Variants in TMEFF2 observed in about 807,000 individuals in gnomAD.
The protein encoded by TMEFF2 is tomoregulin-2.
Under a neutral mutation model 53.8 loss-of-function variants are expected in TMEFF2, and 28 were observed. The ratio of observed to expected loss-of-function variants is 0.52; its 90% CI spans 0.39 to 0.71. The LOEUF (loss-of-function observed/expected upper bound fraction) is 0.71. TMEFF2 is among the 30% of genes least tolerant of loss of function. The pLI is 0.00. For missense variants in TMEFF2, 353 were observed against 455.2 expected (o/e 0.78, Z 2.04); for synonymous variants, 162 against 166.3 (o/e 0.97, Z 0.20).
intron 4 of TMEFF2, among the ~76,000 whole-genome samples, chr2:192,137,420 A>G (rs1350921087): frequency 6.6e-6 from 1 of 152,210 alleles, no homozygotes. Context: ...CATGAAATGA[A>G]AGTGCGGAGA....
intron 5 of TMEFF2, among the ~76,000 whole-genome samples, chr2:192,048,256 T>C (rs1416859590): frequency 6.6e-6 from 1 of 151,852 alleles, no homozygotes. Context: ...CTTAAATTGG[T>C]TTGGCATTCC....
At chr2:192,108,380 C>CT (rs35836364) in intron 4 of TMEFF2, among the ~76,000 whole-genome samples, 1 of 151,788 alleles carries the variant, frequency 6.6e-6, no homozygotes, top group Admixed American at 6.6e-5. Context: ...TAAATGTAAT[C>CT]TTTTTTTAAA....
At chr2:192,119,452 TTGAGTA>T (rs1418424918) in intron 4 of TMEFF2, among the ~76,000 whole-genome samples, 3 of 152,194 alleles carry the variant, frequency 2.0e-5, no homozygotes, top group Non-Finnish European at 4.4e-5. Context: ...ATGATTTTAG[TTGAGTA>T]TATTTGTCAC....
chr2:191,953,769 C>T lies in TMEFF2; in HGVS notation c.938G>A (p.Gly313Asp). ...TAAGACATACTGAAATCGTACAGGA[C>T]CGGGAACAACGTATAGAACACTGTA... ...KDYSVLYVVP[G>D]PVRFQYVLIA... Residue 313 changes from glycine (G) to aspartate (D), a missense_variant, in exon 9 of 10, where the codon GGT becomes GAT. Physicochemically the swap from Gly to Asp is moderately conservative, Grantham distance 94. Transcript: ENST00000272771. 6.2e-7 allele frequency: 1 copy of T among 1,614,000 alleles called. No homozygotes were observed. Among genetic ancestry groups the T allele is most frequent in the Non-Finnish European group, 8.5e-7 (1 of 1,179,968 alleles).
chr2:192,125,177 C>T (rs1689647887), intron 4 of TMEFF2, among the ~76,000 whole-genome samples: 1 of 152,102 alleles, frequency 6.6e-6, no homozygotes. Context: ...ATTTGGAATC[C>T]AGTGTGTCCC....
Position 192,112,151 on chromosome 2 carries a change from C to A in TMEFF2, c.440-54376G>T, listed in dbSNP as rs1291954058. Among the ~76,000 whole-genome samples, 4 of 152,184 alleles carry A rather than the reference C, an allele frequency of 2.6e-5. No homozygotes were observed. In the East Asian group the frequency reaches 7.7e-4, roughly 29 times the overall value. On this transcript the variant is annotated intron_variant, in intron 4 of 9. Coordinates refer to ENST00000272771, the MANE Select transcript of TMEFF2 (RefSeq NM_016192.4). ...GCTGAGAGAAGAAGACCATCATCCT[C>A]CAGACCCCAGAATGGTAGATCCACT... is the stretch of plus-strand genomic sequence containing the variant.
chr2:192,145,752 C>A (rs77974423), intron 4 of TMEFF2, among the ~76,000 whole-genome samples: 12,985 of 151,968 alleles, frequency 0.085, 1,257 homozygotes, highest in East Asian at 0.52. Flanking sequence ...TATTTAACTT[C>A]TCTGTGCCTC....
chr2:192,054,308 T>A (rs1011753056), intron 5 of TMEFF2, among the ~76,000 whole-genome samples: 1 of 152,098 alleles, frequency 6.6e-6, no homozygotes, highest in African/African-American at 2.4e-5. Flanking sequence ...AGGCTTGGCT[T>A]TGTATACCAG....
Position 191,950,117 on chromosome 2 carries a change from C to A in TMEFF2, c.*194G>T. The A allele has an allele frequency of 7.5e-7, 1 of 1,328,086 alleles. No homozygotes were observed. Among genetic ancestry groups the A allele is most frequent in the Non-Finnish European group, 9.6e-7 (1 of 1,038,584 alleles). The allele number at this position is 1,328,086 out of a possible 1,614,324, so 82.3% of individuals were successfully genotyped here. Reference sequence around the variant, plus strand: ...TAGTTTATTTACATTACAGAAAAAACATCAAGACAATGTATACTATTTCAA... The same window carrying A: ...TAGTTTATTTACATTACAGAAAAAAAATCAAGACAATGTATACTATTTCAA... On this transcript the variant is annotated 3_prime_UTR_variant, in exon 10 of 10. Transcript: ENST00000272771.
intron 7 of TMEFF2, among the ~76,000 whole-genome samples, chr2:191,979,753 T>TAA (rs145774456): frequency 6.9e-6 from 1 of 144,760 alleles, no homozygotes; most frequent in African/African-American, 2.5e-5. Flanking sequence ...CCAGTAGAGA[T>TAA]AAAAAAAAAA....
chr2:191,997,391 A>G (rs528639669), intron 7 of TMEFF2, among the ~76,000 whole-genome samples: 2 of 151,938 alleles, frequency 1.3e-5, no homozygotes, highest in Admixed American at 1.3e-4. Context: ...GTTAAAGAAA[A>G]TGAAATTTCA....
chr2:191,972,148 GTTTT>G (rs68101125), intron 7 of TMEFF2, among the ~76,000 whole-genome samples: 2 of 136,510 alleles, frequency 1.5e-5, no homozygotes, highest in African/African-American at 2.7e-5. Flanking sequence ...GTGTTTTTTT[GTTTT>G]TTTTTTTTTT....
chr2:192,115,652 AC>A (rs1295578393), intron 4 of TMEFF2, among the ~76,000 whole-genome samples: 1 of 151,594 alleles, frequency 6.6e-6, no homozygotes, highest in Non-Finnish European at 1.5e-5. Flanking sequence ...TCAAAAACAA[AC>A]CCCCCAAAAA....
At chr2:191,968,232 A>G (rs1048947673) in intron 7 of TMEFF2, among the ~76,000 whole-genome samples, 2 of 152,222 alleles carry the variant, frequency 1.3e-5, no homozygotes, top group Admixed American at 6.5e-5. Flanking sequence ...CAATTTACAG[A>G]TGAGAGTAAA....
At chr2:192,108,281 T>G (rs938559882) in intron 4 of TMEFF2, among the ~76,000 whole-genome samples, 3 of 151,860 alleles carry the variant, frequency 2.0e-5, no homozygotes, top group African/African-American at 2.4e-5. Context: ...AGAGTAATGT[T>G]TCTGATTCCC....
chr2:191,980,575 T>C (rs770171349), intron 7 of TMEFF2, among the ~76,000 whole-genome samples: 12 of 152,260 alleles, frequency 7.9e-5, no homozygotes, highest in Middle Eastern at 3.4e-3. Context: ...CTTCTTGTTA[T>C]TTGCCCCATG....
At chr2:191,980,690 A>G (rs551872515) in intron 7 of TMEFF2, among the ~76,000 whole-genome samples, 1 of 152,018 alleles carries the variant, frequency 6.6e-6, no homozygotes, top group Non-Finnish European at 1.5e-5. Flanking sequence ...AATCATTTCC[A>G]TGCCCTCTTC....
chr2:192,057,585 A>G lies in TMEFF2; in HGVS notation c.536+94T>C. 7.3e-6 allele frequency: 8 copies of G among 1,096,462 alleles called. No homozygotes were observed. The South Asian group carries it at 1.0e-4, about 14-fold the overall frequency. 67.9% of individuals were successfully genotyped at this position (1,096,462 alleles called of 1,614,324 possible). A position where few individuals can be genotyped will look rare whatever the true frequency, so the allele number is the denominator to read the frequency against. On this transcript the variant is annotated intron_variant, in intron 5 of 9. Transcript: ENST00000272771. ...GAACTGAATAAGAAAATAAAAATGC[A>G]GACAATGTCTTCTGTTGCAGAATGG...
At chr2:192,170,787 T>G (rs926858752) in intron 4 of TMEFF2, among the ~76,000 whole-genome samples, 2 of 152,044 alleles carry the variant, frequency 1.3e-5, no homozygotes, top group African/African-American at 4.8e-5. Context: ...CAGAACTAGT[T>G]TACTAAGTGA....
Sources: gnomAD v4.1 joint callset for allele counts (sites outside exome capture counted in the v4.1 genomes callset) on GRCh38, gnomAD v4.1.1 for gene constraint, MANE v1.5 for transcripts, NCBI Gene and HGNC (gene_info 2026-07-23, HGNC 2026-07-21) for gene names.